The following GRM3 variants were observed in gnomAD, a reference collection of about 807,000 sequenced individuals.
GRM3 encodes the protein metabotropic glutamate receptor 3.
GRM3 carries 26 observed loss-of-function variants against 70.5 expected under a neutral mutation model. That is an observed-to-expected ratio of 0.37 (90% confidence interval 0.27 to 0.51). The LOEUF (loss-of-function observed/expected upper bound fraction) is 0.51. Among genes scored for constraint, GRM3 ranks in the 20% least tolerant of loss-of-function variants. The probability of loss-of-function intolerance (pLI) is 0.93; values close to 1 mark genes in which losing one functional copy is unlikely to be tolerated. For synonymous variants in GRM3, 443 were observed against 434.9 expected (o/e 1.02, Z -0.23); for missense variants, 859 against 1,123.8 (o/e 0.76, Z 3.37).
intron 1 of GRM3, chr7:86,710,144 A>G (rs921752875): frequency 6.6e-6 from 1 of 152,142 alleles, no homozygotes; most frequent in African/African-American, 2.4e-5. Context: ...TAGGCTGCAA[A>G]TGTAACTTCT....
intron 1 of GRM3, among the ~76,000 whole-genome samples, chr7:86,707,981 G>A (rs889340836): frequency 6.6e-5 from 10 of 152,054 alleles, no homozygotes; most frequent in East Asian, 1.9e-4. Flanking sequence ...AATGAGAAGC[G>A]TGAATTACAT....
At chr7:86,722,836 C>T (rs1445566382) in intron 1 of GRM3, among the ~76,000 whole-genome samples, 1 of 152,058 alleles carries the variant, frequency 6.6e-6, no homozygotes, top group Non-Finnish European at 1.5e-5. Flanking sequence ...GTAAGAATTC[C>T]ATCTATTCGG....
intron 3 of GRM3, among the ~76,000 whole-genome samples, chr7:86,825,516 CAGG>C (rs1329531578): frequency 6.6e-6 from 1 of 152,198 alleles, no homozygotes; most frequent in African/African-American, 2.4e-5. Context: ...AGCACGCTGG[CAGG>C]AGAAGTCATT....
rs1297813958 is a variant in GRM3 at position 86,811,005 on chromosome 7, G to T, written c.1324+23889G>T. On this transcript the variant is annotated intron_variant, in intron 3 of 5. Transcript: ENST00000361669. ...GGGGGACCATTTTTAATTGACACTG[G>T]CCAAAGTGTCATTTTTCCTGTTTGT... is the stretch of plus-strand genomic sequence containing the variant. Among the ~76,000 whole-genome samples the T allele has an allele frequency of 2.6e-5, 4 of 151,656 alleles. No homozygotes were observed. In the East Asian group the frequency reaches 7.7e-4, roughly 29 times the overall value.
intron 1 of GRM3, among the ~76,000 whole-genome samples, chr7:86,690,178 G>A (rs1350016650): frequency 6.6e-6 from 1 of 152,160 alleles, no homozygotes. Flanking sequence ...AGAATGGAGA[G>A]TTCCAAGTAG....
At chr7:86,679,148 G>C (rs1185444802) in intron 1 of GRM3, among the ~76,000 whole-genome samples, 1 of 151,994 alleles carries the variant, frequency 6.6e-6, no homozygotes, top group Non-Finnish European at 1.5e-5. Context: ...GTAATCTCTT[G>C]TCTGACCATC....
At chr7:86,682,191 A>G (rs1371869793) in intron 1 of GRM3, among the ~76,000 whole-genome samples, 1 of 152,210 alleles carries the variant, frequency 6.6e-6, no homozygotes, top group African/African-American at 2.4e-5. Flanking sequence ...TCACAGTACA[A>G]CTTAGTTGTT....
chr7:86,796,667 C>T (rs144765382), intron 3 of GRM3, among the ~76,000 whole-genome samples: 225 of 152,284 alleles, frequency 1.5e-3, no homozygotes, highest in African/African-American at 5.3e-3. Context: ...GCCATCTTCA[C>T]GATACTGATT....
At chr7:86,832,343 C>T (rs1001181154) in intron 3 of GRM3, among the ~76,000 whole-genome samples, 2 of 151,036 alleles carry the variant, frequency 1.3e-5, no homozygotes, top group African/African-American at 2.4e-5. Flanking sequence ...CCCTGCCTCC[C>T]GGGTTCAAGC....
At chr7:86,784,696 C>G (rs1343402013) in intron 2 of GRM3, 1 of 152,138 alleles carries the variant, frequency 6.6e-6, no homozygotes, top group African/African-American at 2.4e-5. Context: ...TAGCCTTTAC[C>G]CCTTCATCCA....
At chr7:86,671,672 A>G (rs924638863) in intron 1 of GRM3, among the ~76,000 whole-genome samples, 7 of 152,150 alleles carry the variant, frequency 4.6e-5, no homozygotes, top group Admixed American at 2.0e-4. Context: ...AGTGCTTTTG[A>G]TTATCTCACT....
In GRM3 at chr7:86,787,124, A is replaced by G. The variant is rs754342230; in HGVS notation, c.1324+8A>G. ...TGAAAATCAACTTCACGGGTAAGCCAAGAGCCTTTAAACATCTTCTCAGAT... is the reference window on the plus strand; with the variant it reads ...TGAAAATCAACTTCACGGGTAAGCCGAGAGCCTTTAAACATCTTCTCAGAT... On this transcript the variant is annotated splice_region_variant and intron_variant, in intron 3 of 5. Coordinates refer to ENST00000361669, the MANE Select transcript of GRM3 (RefSeq NM_000840.3). 3 of 1,589,528 alleles carry G rather than the reference A, an allele frequency of 1.9e-6. No individual in the cohort carries two copies. In the South Asian group the frequency reaches 3.3e-5, roughly 18 times the overall value.
At chr7:86,776,336 T>C (rs1197157096) in intron 2 of GRM3, among the ~76,000 whole-genome samples, 1 of 152,188 alleles carries the variant, frequency 6.6e-6, no homozygotes, top group African/African-American at 2.4e-5. Context: ...AATGCTGGCC[T>C]GATTCCAACC....
chr7:86,711,177 A>AT (rs1184416063), intron 1 of GRM3, among the ~76,000 whole-genome samples: 7 of 151,502 alleles, frequency 4.6e-5, no homozygotes, highest in Admixed American at 3.9e-4. Context: ...ATTTAATTTA[A>AT]TTTAATTTTA....
intron 1 of GRM3, among the ~76,000 whole-genome samples, chr7:86,697,704 A>G (rs1276262094): frequency 6.6e-6 from 1 of 152,140 alleles, no homozygotes; most frequent in Admixed American, 6.6e-5. Context: ...TTTCCCTAAA[A>G]AAAAATTGAA....
At chr7:86,731,983 T>C (rs759400780) in intron 1 of GRM3, among the ~76,000 whole-genome samples, 1 of 152,160 alleles carries the variant, frequency 6.6e-6, no homozygotes, top group Non-Finnish European at 1.5e-5. Flanking sequence ...AATTTAACTG[T>C]ATTTTTCTAA....
At chr7:86,645,556 A>G (rs1584134555) in intron 1 of GRM3, among the ~76,000 whole-genome samples, 1 of 152,216 alleles carries the variant, frequency 6.6e-6, no homozygotes, top group East Asian at 1.9e-4. Context: ...ATCCAAAAAT[A>G]GACTAGGTGA....
At chr7:86,665,517 C>G (rs2115867522) in intron 1 of GRM3, among the ~76,000 whole-genome samples, 1 of 152,108 alleles carries the variant, frequency 6.6e-6, no homozygotes, top group Non-Finnish European at 1.5e-5. Flanking sequence ...GTAACAATAT[C>G]TTACTATCAA....
chr7:86,675,513 C>A (rs1329127479), intron 1 of GRM3, among the ~76,000 whole-genome samples: 1 of 151,998 alleles, frequency 6.6e-6, no homozygotes, highest in Admixed American at 6.6e-5. Flanking sequence ...TAAAAAGTAA[C>A]ACTAACACAG....
Sources: gnomAD v4.1 joint callset for allele counts (sites outside exome capture counted in the v4.1 genomes callset) on GRCh38, gnomAD v4.1.1 for gene constraint, MANE v1.5 for transcripts, NCBI Gene and HGNC (gene_info 2026-07-23, HGNC 2026-07-21) for gene names.